The following GRIN2B variants were observed in gnomAD, a reference collection of about 807,000 sequenced individuals.
GRIN2B encodes the protein glutamate ionotropic receptor NMDA type subunit 2B.
In GRIN2B, 5 loss-of-function variants were observed where a neutral mutation model predicts 114.5. The observed-to-expected ratio is 0.04, with a 90% CI of 0.02 to 0.09. The LOEUF is 0.09. Ranked by LOEUF, GRIN2B falls within the 10% of genes least tolerant of loss-of-function variation. The pLI, the probability that GRIN2B is intolerant of heterozygous loss-of-function variation, is 1.00. For missense variants in GRIN2B, 1,108 were observed against 1,943.5 expected (o/e 0.57, Z 8.08); for synonymous variants, 787 against 745.1 (o/e 1.06, Z -0.92).
intron 2 of GRIN2B, among the ~76,000 whole-genome samples, chr12:13,875,766 C>G (rs932564098): frequency 6.6e-6 from 1 of 152,204 alleles, no homozygotes; most frequent in Non-Finnish European, 1.5e-5. Flanking sequence ...CTTTACCTCT[C>G]TAACTGCAAG....
At chr12:13,626,689 C>G (rs1057177982) in intron 5 of GRIN2B, among the ~76,000 whole-genome samples, 2 of 152,000 alleles carry the variant, frequency 1.3e-5, no homozygotes, top group Non-Finnish European at 2.9e-5. Context: ...CTTGCTTTTC[C>G]ATCATTGGTT....
chr12:13,863,435 T>A (rs2136743824), intron 3 of GRIN2B, among the ~76,000 whole-genome samples: 1 of 152,228 alleles, frequency 6.6e-6, no homozygotes, highest in Non-Finnish European at 1.5e-5. Flanking sequence ...GACAAGAGAG[T>A]ACACAGCCTT....
chr12:13,624,909 C>T (rs1207239185), intron 5 of GRIN2B, among the ~76,000 whole-genome samples: 3 of 152,162 alleles, frequency 2.0e-5, no homozygotes, highest in Non-Finnish European at 4.4e-5. Flanking sequence ...CTTTCCTACT[C>T]TGGAGAGTGA....
chr12:13,681,044 G>T (rs1334298499), intron 4 of GRIN2B, among the ~76,000 whole-genome samples: 1 of 151,984 alleles, frequency 6.6e-6, no homozygotes, highest in Non-Finnish European at 1.5e-5. Context: ...GCCACTCCAA[G>T]CTCATCTACT....
chr12:13,844,756 G>C (rs1243255429), intron 3 of GRIN2B, among the ~76,000 whole-genome samples: 1 of 152,130 alleles, frequency 6.6e-6, no homozygotes, highest in African/African-American at 2.4e-5. Flanking sequence ...ACTTTTCAGA[G>C]AGAGAATTTG....
chr12:13,648,665 G>T (rs1264173422), intron 5 of GRIN2B, among the ~76,000 whole-genome samples: 1 of 151,868 alleles, frequency 6.6e-6, no homozygotes, highest in African/African-American at 2.4e-5. Flanking sequence ...TGAGTTCAAT[G>T]AACATTTCTG....
At chr12:13,831,823 C>T (rs1046691566) in intron 3 of GRIN2B, among the ~76,000 whole-genome samples, 1 of 152,188 alleles carries the variant, frequency 6.6e-6, no homozygotes, top group African/African-American at 2.4e-5. Flanking sequence ...ATTAATGTGA[C>T]TGTTCTTAAG....
rs1002540081 is a variant in GRIN2B at position 13,547,857 on chromosome 12, A to C, written c.*14926T>G. 3 of 151,564 alleles carry C rather than the reference A, an allele frequency of 2.0e-5. No individual in the cohort carries two copies. Among genetic ancestry groups the C allele is most frequent in the African/African-American group, 7.3e-5 (3 of 41,236 alleles). The allele number at this position is 151,564 out of a possible 1,614,324, so 9.4% of individuals were successfully genotyped here. ...CGCAGTGTTGAAACTCTGAGATAAG[A>C]ATTCCTTGCCCATCTTCTAACTTCC... is the stretch of plus-strand genomic sequence containing the variant. On this transcript the variant is annotated 3_prime_UTR_variant, in exon 14 of 14. Coordinates refer to ENST00000609686, the MANE Select transcript of GRIN2B (RefSeq NM_000834.5).
At chr12:13,744,665 C>T (rs1591708140) in intron 4 of GRIN2B, among the ~76,000 whole-genome samples, 2 of 151,996 alleles carry the variant, frequency 1.3e-5, no homozygotes, top group East Asian at 3.9e-4. Context: ...GTAGGCAGCC[C>T]CCGGCCGGCT....
In GRIN2B at chr12:13,555,831, CCAAGTGAGTAGGCTT is replaced by C. The variant is rs1238799684; in HGVS notation, c.*6937_*6951del. 1 of 152,096 alleles carries C rather than the reference CCAAGTGAGTAGGCTT, an allele frequency of 6.6e-6. No individual in the cohort carries two copies. Among genetic ancestry groups the C allele is most frequent in the Non-Finnish European group, 1.5e-5 (1 of 68,024 alleles). 9.4% of individuals were successfully genotyped at this position (152,096 alleles called of 1,614,324 possible). On this transcript the variant is annotated 3_prime_UTR_variant, in exon 14 of 14. Coordinates refer to ENST00000609686, the MANE Select transcript of GRIN2B (RefSeq NM_000834.5). ...GTCAACATTGGAGAAATTAAAAAGT[CCAAGTGAGTAGGCTT>C]CAGGTGAGGTTAAATTGATTGAATT... is the stretch of plus-strand genomic sequence containing the variant.
intron 4 of GRIN2B, among the ~76,000 whole-genome samples, chr12:13,712,734 T>C (rs1950425527): frequency 6.6e-6 from 1 of 151,948 alleles, no homozygotes; most frequent in Non-Finnish European, 1.5e-5. Context: ...TTCTATCAAC[T>C]TTTGAAATAC....
chr12:13,910,424 A>G (rs1379007289), intron 2 of GRIN2B, among the ~76,000 whole-genome samples: 3 of 152,184 alleles, frequency 2.0e-5, no homozygotes, highest in African/African-American at 7.2e-5. Flanking sequence ...CATGGACAAG[A>G]TTATGCTAGC....
chr12:13,936,998 ATTCTT>A (rs1274444536), intron 2 of GRIN2B, among the ~76,000 whole-genome samples: 3 of 150,760 alleles, frequency 2.0e-5, no homozygotes, highest in South Asian at 2.1e-4. Flanking sequence ...ATCTATTCTT[ATTCTT>A]TTATTTTTTT....
At chr12:13,710,296 G>A (rs1950401809) in intron 4 of GRIN2B, among the ~76,000 whole-genome samples, 1 of 152,092 alleles carries the variant, frequency 6.6e-6, no homozygotes, top group Non-Finnish European at 1.5e-5. Context: ...AAAACTGGAA[G>A]CATTCCCTTT....
chr12:13,682,368 T>C (rs1950139011), intron 4 of GRIN2B, among the ~76,000 whole-genome samples: 1 of 152,116 alleles, frequency 6.6e-6, no homozygotes, highest in African/African-American at 2.4e-5. Flanking sequence ...GGCAAAATGA[T>C]ACCTTGTAGA....
intron 2 of GRIN2B, among the ~76,000 whole-genome samples, chr12:13,977,014 G>C (rs1012901233): frequency 6.6e-6 from 1 of 152,188 alleles, no homozygotes; most frequent in Admixed American, 6.5e-5. Context: ...AGATTCCAAA[G>C]CTATCTTTCT....
intron 5 of GRIN2B, among the ~76,000 whole-genome samples, chr12:13,657,216 C>T (rs1949873967): frequency 1.3e-5 from 2 of 152,118 alleles, no homozygotes; most frequent in Non-Finnish European, 2.9e-5. Context: ...CTAGGAAAAC[C>T]ACTTCCTGTC....
intron 10 of GRIN2B, among the ~76,000 whole-genome samples, chr12:13,607,769 G>A (rs1023016208): frequency 3.0e-4 from 45 of 151,598 alleles, no homozygotes; most frequent in African/African-American, 1.1e-3. Flanking sequence ...TAAATCTTAA[G>A]GAAATAGAGT....
At chr12:13,899,930 C>T (rs979002471) in intron 2 of GRIN2B, among the ~76,000 whole-genome samples, 1 of 152,084 alleles carries the variant, frequency 6.6e-6, no homozygotes, top group Non-Finnish European at 1.5e-5. Context: ...AGCCTTATAT[C>T]CTACCAGCTC....
Sources: allele counts gnomAD v4.1 joint callset (sites outside exome capture counted in the v4.1 genomes callset), GRCh38; gene constraint gnomAD v4.1.1; transcripts MANE v1.5; gene names NCBI Gene and HGNC (gene_info 2026-07-23, HGNC 2026-07-21).